ARHGEF33: variants seen among roughly 807,000 people sequenced by gnomAD.
The protein encoded by ARHGEF33 is Rho guanine nucleotide exchange factor 33, also known as DH and coiled-coil domain-containing protein ENSP00000381780.
ARHGEF33 carries 72 observed loss-of-function variants against 101.9 expected under a neutral mutation model. The observed-to-expected ratio is 0.71, with a 90% CI of 0.58 to 0.86. The LOEUF (loss-of-function observed/expected upper bound fraction) is 0.86, where lower values mean the gene tolerates loss of function less well. Among genes scored for constraint, ARHGEF33 ranks in the 40% least tolerant of loss-of-function variants. ARHGEF33 has a pLI of 0.00. For synonymous variants in ARHGEF33, 499 were observed against 442.5 expected (o/e 1.13, Z -1.60); for missense variants, 1,169 against 1,111.3 (o/e 1.05, Z -0.74).
intron 13 of ARHGEF33, among the ~76,000 whole-genome samples, chr2:38,954,938 A>G (rs867722392): frequency 1.3e-5 from 2 of 152,044 alleles, no homozygotes; most frequent in Non-Finnish European, 2.9e-5. Context: ...CCAGCCTAAA[A>G]TCTTTATTTC....
Position 38,959,910 on chromosome 2 carries a change from G to C in ARHGEF33, c.1605G>C (p.Lys535Asn), listed in dbSNP as rs962750826. The C allele has an allele frequency of 1.4e-5, 22 of 1,551,820 alleles. No homozygotes were observed. Among genetic ancestry groups the C allele is most frequent in the Non-Finnish European group, 1.9e-5 (22 of 1,146,960 alleles). ...QSLMESMQPG[K>N]PSDWELEGRK... is the part of the protein sequence containing the mutation. The stretch of plus-strand genomic sequence containing the variant: ...TGATGGAGAGCATGCAGCCCGGGAA[G>C]CCCAGTGACTGGGAGCTGGAGGGCA... The change falls in exon 16 of 18, where the codon AAG (lysine) becomes AAC (asparagine). Residue 535 changes from lysine to asparagine, a missense_variant. Physicochemically the swap from Lys to Asn is moderately conservative, Grantham distance 94. Coordinates refer to ENST00000409978, the MANE Select transcript of ARHGEF33 (RefSeq NM_001145451.5).
rs1490471605 is a variant in ARHGEF33, at chr2:38,974,069, CTG to C, written c.*227_*228del. On this transcript the variant is annotated 3_prime_UTR_variant, in exon 18 of 18. Coordinates refer to ENST00000409978, the MANE Select transcript of ARHGEF33 (RefSeq NM_001145451.5). ...AGATCTGGCTTTTTGAACCTCAACA[CTG>C]GGGAAAAGGGAAATGAAGACTTTTC... The C allele has an allele frequency of 1.1e-5, 2 of 182,842 alleles. No individual in the cohort carries two copies. Among genetic ancestry groups the C allele is most frequent in the African/African-American group, 4.8e-5 (2 of 42,098 alleles). 11.3% of individuals were successfully genotyped at this position (182,842 alleles called of 1,614,324 possible). A position where few individuals can be genotyped will look rare whatever the true frequency, so the allele number is the denominator to read the frequency against.
At chr2:38,929,579 A>AT (rs1666947784) in intron 5 of ARHGEF33, 130 bp from the exon 6 acceptor site, 2 of 728,600 alleles carry the variant, frequency 2.7e-6, no homozygotes, top group African/African-American at 1.8e-5. Flanking sequence ...ATGGAAGTAA[A>AT]TTTTTTAATC....
intron 16 of ARHGEF33, among the ~76,000 whole-genome samples, chr2:38,963,240 C>T (rs1667985444): frequency 6.6e-6 from 1 of 152,158 alleles, no homozygotes; most frequent in Non-Finnish European, 1.5e-5. Flanking sequence ...AAGCTCTATC[C>T]TTAAAGGTAT....
intron 10 of ARHGEF33, among the ~76,000 whole-genome samples, 194 bp downstream of exon 10, chr2:38,944,224 T>A (rs1667383300): frequency 6.6e-6 from 1 of 152,256 alleles, no homozygotes; most frequent in African/African-American, 2.4e-5. Context: ...ACTGGATAAC[T>A]TTTAATGAAC....
intron 17 of ARHGEF33, 80 bp downstream of exon 17, chr2:38,966,225 T>G: frequency 6.8e-7 from 1 of 1,481,400 alleles, no homozygotes; most frequent in Non-Finnish European, 9.0e-7. Flanking sequence ...ATAATAAGTA[T>G]CAAGTAGCCT....
intron 17 of ARHGEF33, among the ~76,000 whole-genome samples, chr2:38,970,190 C>T (rs994074335): frequency 3.3e-5 from 5 of 152,170 alleles, no homozygotes; most frequent in Non-Finnish European, 7.3e-5. Flanking sequence ...GAGTGTCTCC[C>T]TTCTCATCAT....
intron 2 of ARHGEF33, among the ~76,000 whole-genome samples, chr2:38,915,369 G>GT (rs1442688935): frequency 7.1e-6 from 1 of 139,954 alleles, no homozygotes; most frequent in Non-Finnish European, 1.5e-5. Flanking sequence ...CTCTAACGTA[G>GT]TTTTTTTATT....
chr2:38,952,300 T>C (rs905663424), intron 11 of ARHGEF33, among the ~76,000 whole-genome samples: 1 of 152,244 alleles, frequency 6.6e-6, no homozygotes, highest in African/African-American at 2.4e-5. Flanking sequence ...CTAATATCAT[T>C]TTTACTCACT....
chr2:38,970,674 AG>A (rs1406743935), intron 17 of ARHGEF33, among the ~76,000 whole-genome samples: 1 of 152,240 alleles, frequency 6.6e-6, no homozygotes, highest in Non-Finnish European at 1.5e-5. Context: ...CCTGCCCATT[AG>A]GAGCTTACAG....
At chr2:38,970,358 G>C (rs532233126) in intron 17 of ARHGEF33, among the ~76,000 whole-genome samples, 1 of 152,306 alleles carries the variant, frequency 6.6e-6, no homozygotes, top group Non-Finnish European at 1.5e-5. Context: ...CTGTTGAACA[G>C]ACCATGTAAT....
At chr2:38,908,193 A>C (rs893932565) in intron 2 of ARHGEF33, among the ~76,000 whole-genome samples, 1 of 152,150 alleles carries the variant, frequency 6.6e-6, no homozygotes. Context: ...TTCCACTCAG[A>C]TGAATCCAGG....
At chr2:38,954,315 G>T in intron 12 of ARHGEF33, 58 bp from the exon 13 acceptor site, 1 of 1,051,688 alleles carries the variant, frequency 9.5e-7, no homozygotes, top group Non-Finnish European at 1.4e-6. Context: ...CTGATTCGAG[G>T]TTCTGCTGCC....
At chr2:38,963,368 CT>C (rs1667988365) in intron 16 of ARHGEF33, among the ~76,000 whole-genome samples, 1 of 152,122 alleles carries the variant, frequency 6.6e-6, no homozygotes, top group East Asian at 1.9e-4. Flanking sequence ...TGTTTTGTCT[CT>C]TTTAGAGTCA....
At chr2:38,922,290 T>G (rs1363542071) in intron 4 of ARHGEF33, among the ~76,000 whole-genome samples, 1 of 152,096 alleles carries the variant, frequency 6.6e-6, no homozygotes, top group African/African-American at 2.4e-5. Context: ...GGAGAAAGGA[T>G]GCTTTCAAAG....
At chr2:38,918,407 C>A (rs962372961) in intron 2 of ARHGEF33, among the ~76,000 whole-genome samples, 1 of 152,118 alleles carries the variant, frequency 6.6e-6, no homozygotes, top group African/African-American at 2.4e-5. Context: ...GCAAGGGAGG[C>A]TAAAAGAACC....
In ARHGEF33 at chr2:38,973,889, A is replaced by T. The variant is rs1412873236; in HGVS notation, c.*46A>T. On this transcript the variant is annotated 3_prime_UTR_variant, in exon 18 of 18. Transcript: ENST00000409978. ...GTCAAGTGGTAAGATGAGGATAAAA[A>T]GCTTGTATATATCTGTGTAGGAATA... 10 of 1,480,502 alleles carry T rather than the reference A, an allele frequency of 6.8e-6. No homozygotes were observed. The highest frequency in any genetic ancestry group is 3.6e-6 in the Non-Finnish European group (4 of 1,106,844). The allele number at this position is 1,480,502 out of a possible 1,614,324, so 91.7% of individuals were successfully genotyped here. A position where few individuals can be genotyped will look rare whatever the true frequency, so the allele number is the denominator to read the frequency against.
chr2:38,970,605 A>T (rs547799661), intron 17 of ARHGEF33, among the ~76,000 whole-genome samples: 1 of 152,364 alleles, frequency 6.6e-6, no homozygotes, highest in Admixed American at 6.5e-5. Context: ...CAACCATTCA[A>T]TTAAGTGTCT....
intron 11 of ARHGEF33, 25 bp downstream of exon 11, chr2:38,951,146 A>G (rs1399229863): frequency 6.5e-7 from 1 of 1,548,450 alleles, no homozygotes; most frequent in Admixed American, 2.0e-5. Flanking sequence ...GCCCCTCTAT[A>G]CATTTTACTT....
Sources: allele counts gnomAD v4.1 joint callset (sites outside exome capture counted in the v4.1 genomes callset), GRCh38; gene constraint gnomAD v4.1.1; transcripts MANE v1.5; gene names NCBI Gene and HGNC (gene_info 2026-07-23, HGNC 2026-07-21).